The following TMC7 variants were observed in gnomAD, a reference collection of about 807,000 sequenced individuals.
The protein encoded by TMC7 is transmembrane channel like 7, also known as transmembrane channel-like protein 7.
A neutral mutation model predicts 82.9 loss-of-function variants in TMC7; 54 were observed. That is an observed-to-expected ratio of 0.65 (90% CI 0.52 to 0.82). The LOEUF (loss-of-function observed/expected upper bound fraction) is 0.82. TMC7 is among the 40% of genes least tolerant of loss of function. TMC7 has a pLI of 0.00. For missense variants in TMC7, 820 were observed against 901.2 expected (o/e 0.91, Z 1.15); for synonymous variants, 350 against 337.9 (o/e 1.04, Z -0.39).
intron 2 of TMC7, among the ~76,000 whole-genome samples, chr16:19,013,149 T>C (rs1959473195): frequency 6.6e-6 from 1 of 151,722 alleles, no homozygotes. Context: ...ATAGTTGTTA[T>C]TCTAAGCTCT....
At chr16:19,027,111 C>T (rs1316836681) in intron 5 of TMC7, among the ~76,000 whole-genome samples, 1 of 134,190 alleles carries the variant, frequency 7.5e-6, no homozygotes, top group Non-Finnish European at 1.6e-5. Flanking sequence ...CGCTCTGTCA[C>T]CAGGCTGGAG....
chr16:19,055,944 G>A (rs1961749433), intron 13 of TMC7, among the ~76,000 whole-genome samples: 1 of 152,176 alleles, frequency 6.6e-6, no homozygotes, highest in African/African-American at 2.4e-5. Flanking sequence ...AGAGACCGGA[G>A]AATAGAATGC....
chr16:19,043,637 C>A (rs562449820), intron 9 of TMC7, among the ~76,000 whole-genome samples: 5 of 152,212 alleles, frequency 3.3e-5, no homozygotes, highest in Non-Finnish European at 7.4e-5. Context: ...ATGGCGTGAT[C>A]TTATCTCACC....
At chr16:18,987,129 G>A (rs1296578833) in intron 1 of TMC7, among the ~76,000 whole-genome samples, 1 of 151,924 alleles carries the variant, frequency 6.6e-6, no homozygotes, top group Non-Finnish European at 1.5e-5. Context: ...TCCTTTTCCT[G>A]TTGGGTCTCT....
intron 7 of TMC7, among the ~76,000 whole-genome samples, chr16:19,036,926 A>G (rs1478224821): frequency 1.3e-5 from 2 of 152,238 alleles, no homozygotes; most frequent in Non-Finnish European, 2.9e-5. Flanking sequence ...AGACTACTAC[A>G]TTGTGTAAAA....
At chr16:19,011,018 C>T (rs544113321) in intron 2 of TMC7, among the ~76,000 whole-genome samples, 9 of 152,230 alleles carry the variant, frequency 5.9e-5, no homozygotes, top group African/African-American at 1.4e-4. Context: ...AATATTCCTC[C>T]CGCTAATGAG....
chr16:19,013,048 C>G (rs1959462792), intron 2 of TMC7, among the ~76,000 whole-genome samples: 1 of 151,100 alleles, frequency 6.6e-6, no homozygotes. Context: ...AACTCCTGAC[C>G]TCAGGTGATC....
chr16:19,019,306 A>G (rs9926513), intron 3 of TMC7, among the ~76,000 whole-genome samples: 79,762 of 152,154 alleles, frequency 0.52, 23,553 homozygotes, highest in East Asian at 0.8. Context: ...ACAATTGGCA[A>G]TCTATCCAAT....
At chr16:18,989,627 G>C (rs2038913042) in intron 1 of TMC7, among the ~76,000 whole-genome samples, 1 of 135,552 alleles carries the variant, frequency 7.4e-6, no homozygotes, top group South Asian at 2.3e-4. Flanking sequence ...TGGGGGTCTA[G>C]TGGCGAAGGA....
chr16:19,046,927 T>C, intron 11 of TMC7, 136 bp from the exon 12 acceptor site: 1 of 702,262 alleles, frequency 1.4e-6, no homozygotes, highest in Non-Finnish European at 2.4e-6. Flanking sequence ...CAGAGTTCAT[T>C]ATATTCTGCA....
intron 5 of TMC7, among the ~76,000 whole-genome samples, chr16:19,025,079 C>T (rs1383741470): frequency 6.6e-6 from 1 of 152,078 alleles, no homozygotes; most frequent in Non-Finnish European, 1.5e-5. Flanking sequence ...TTAGATAACT[C>T]TGTGTTGTGT....
intron 2 of TMC7, among the ~76,000 whole-genome samples, chr16:19,014,133 T>G (rs1959545224): frequency 6.6e-6 from 1 of 152,124 alleles, no homozygotes; most frequent in Non-Finnish European, 1.5e-5. Flanking sequence ...CCCAAAGTGC[T>G]GGGATTACAG....
chr16:19,021,910 C>A, intron 4 of TMC7, 114 bp downstream of exon 4: 1 of 1,284,364 alleles, frequency 7.8e-7, no homozygotes. Flanking sequence ...CTGTATTAGT[C>A]AGGATGGTCT....
chr16:19,017,991 A>G (rs1959785878), intron 3 of TMC7, among the ~76,000 whole-genome samples: 1 of 152,148 alleles, frequency 6.6e-6, no homozygotes, highest in African/African-American at 2.4e-5. Context: ...TTTAAAAATT[A>G]GCTGGATGTG....
Position 19,024,830 on chromosome 16 carries a change from C to T in TMC7, c.711+1635C>T, listed in dbSNP as rs369771526. The stretch of plus-strand genomic sequence containing the variant: ...GACCATCCTGGCTAACACGGTAAAA[C>T]CCCATCTCTACTAAAAATACAAAAA... On this transcript the variant is annotated intron_variant, in intron 5 of 15. Transcript: ENST00000304381. Among the ~76,000 whole-genome samples the T allele has an allele frequency of 2.0e-5, 3 of 151,948 alleles. No homozygotes were observed. The East Asian group carries it at 5.8e-4, about 29-fold the overall frequency.
chr16:19,056,869 AATC>A (rs1418289525), intron 14 of TMC7, among the ~76,000 whole-genome samples, 172 bp downstream of exon 14: 1 of 152,124 alleles, frequency 6.6e-6, no homozygotes, highest in African/African-American at 2.4e-5. Flanking sequence ...TCATGCCTGT[AATC>A]CCAACACTTT....
intron 11 of TMC7, among the ~76,000 whole-genome samples, chr16:19,045,895 C>T (rs577118967): frequency 3.3e-5 from 5 of 151,988 alleles, no homozygotes; most frequent in African/African-American, 4.8e-5. Flanking sequence ...CGCGCCCGGC[C>T]AAGTTTTTAA....
At chr16:19,019,034 G>A (rs1376572956) in intron 3 of TMC7, among the ~76,000 whole-genome samples, 2 of 152,174 alleles carry the variant, frequency 1.3e-5, no homozygotes, top group African/African-American at 4.8e-5. Context: ...ATTTTTAGTA[G>A]AGACAGGGTT....
At chr16:19,036,276 G>T (rs1316205652) in intron 7 of TMC7, among the ~76,000 whole-genome samples, 1 of 152,224 alleles carries the variant, frequency 6.6e-6, no homozygotes, top group Non-Finnish European at 1.5e-5. Flanking sequence ...TTGGGAGGCT[G>T]AGGCAGGCAT....
Sources: gnomAD v4.1 joint callset for allele counts (sites outside exome capture counted in the v4.1 genomes callset) on GRCh38, gnomAD v4.1.1 for gene constraint, MANE v1.5 for transcripts, NCBI Gene and HGNC (gene_info 2026-07-23, HGNC 2026-07-21) for gene names.